The following EXOC2 variants were observed in gnomAD, a reference collection of about 807,000 sequenced individuals.
EXOC2 encodes SEC5-like 1.
In EXOC2, 70 loss-of-function variants were observed where a neutral mutation model predicts 131.8. The observed-to-expected ratio is 0.53, with a 90% CI of 0.44 to 0.65. The LOEUF is 0.65. Ranked by LOEUF, EXOC2 falls within the 30% of genes least tolerant of loss-of-function variation. The pLI is 0.00. For synonymous variants in EXOC2, 411 were observed against 398.4 expected, an observed-to-expected ratio of 1.03 and a Z score of -0.38; for missense variants, 923 against 1,108.6, an observed-to-expected ratio of 0.83 and a Z score of 2.38.
At chr6:539,190 T>C (rs962216403) in intron 22 of EXOC2, among the ~76,000 whole-genome samples, 3 of 152,148 alleles carry the variant, frequency 2.0e-5, no homozygotes, top group Non-Finnish European at 2.9e-5. Flanking sequence ...TATTCAGAAA[T>C]AGACTTACTC....
intron 1 of EXOC2, among the ~76,000 whole-genome samples, chr6:651,648 G>A (rs1460515036): frequency 2.1e-5 from 3 of 141,662 alleles, no homozygotes; most frequent in South Asian, 2.4e-4. Flanking sequence ...GCAAGACTCC[G>A]TCTCAGAAAA....
At position 564,925 on chromosome 6, in the gene EXOC2, G is replaced by A. The variant is rs1337302019; in HGVS notation, c.1448C>T (p.Ala483Val). 6.3e-7 allele frequency: 1 copy of A among 1,599,108 alleles called. No individual in the cohort carries two copies. Among genetic ancestry groups the A allele is most frequent in the African/African-American group, 1.3e-5 (1 of 74,112 alleles). The change falls in exon 14 of 28, where the codon GCT becomes GTT. Residue 483 changes from alanine to valine, a missense_variant. By Grantham distance (64) the Ala-to-Val change is moderately conservative. Coordinates refer to ENST00000230449, the MANE Select transcript of EXOC2 (RefSeq NM_018303.6). ...TCTTTCAATCTGGCCTGACTTCTCAGCAGTCTTAAAAATTAAAAAAACAAA... is the reference window on the plus strand; with the variant it reads ...TCTTTCAATCTGGCCTGACTTCTCAACAGTCTTAAAAATTAAAAAAACAAA... ...YVNGSLFSET[A>V]EKSGQIERSK...
chr6:628,287 G>A (rs1331041499), intron 4 of EXOC2, among the ~76,000 whole-genome samples: 1 of 152,186 alleles, frequency 6.6e-6, no homozygotes, highest in Non-Finnish European at 1.5e-5. Flanking sequence ...TCTCAGAGAA[G>A]AAAAGAACAT....
In EXOC2 at chr6:672,985, C is replaced by T. The variant is rs147191047; in HGVS notation, c.-44+20034G>A. Among the ~76,000 whole-genome samples the T allele has an allele frequency of 1.7e-3, 252 of 152,088 alleles. 1 individual carries two copies. Among genetic ancestry groups the T allele is most frequent in the Middle Eastern group, 0.01 (3 of 294 alleles). On this transcript the variant is annotated intron_variant, in intron 1 of 27. Coordinates refer to ENST00000230449, the MANE Select transcript of EXOC2 (RefSeq NM_018303.6). The stretch of plus-strand genomic sequence containing the variant: ...CTCTGTTTTAAAATTCATGACTGGG[C>T]GCGGTGGCTCAGCCCTGTAATCCCA...
At chr6:496,774 C>T (rs1049827606) in intron 25 of EXOC2, among the ~76,000 whole-genome samples, 4 of 152,036 alleles carry the variant, frequency 2.6e-5, no homozygotes. Flanking sequence ...GTGGGCTGGC[C>T]TGATAGGAGC....
chr6:599,816 A>C (rs966556584), intron 7 of EXOC2, among the ~76,000 whole-genome samples: 2 of 152,176 alleles, frequency 1.3e-5, no homozygotes, highest in Non-Finnish European at 1.5e-5. Context: ...TAAATCAGCT[A>C]ATCTTATAAA....
At chr6:679,093 A>G (rs561049898) in intron 1 of EXOC2, 1 of 152,146 alleles carries the variant, frequency 6.6e-6, no homozygotes, top group Non-Finnish European at 1.5e-5. Context: ...CTTGACAGAA[A>G]AATCACAACG....
chr6:596,696 G>A (rs1363949896), intron 10 of EXOC2, among the ~76,000 whole-genome samples: 1 of 152,000 alleles, frequency 6.6e-6, no homozygotes, highest in Non-Finnish European at 1.5e-5. Flanking sequence ...GGTCACATGG[G>A]GACCACAGCT....
intron 12 of EXOC2, among the ~76,000 whole-genome samples, chr6:574,388 ACC>A (rs1758465583): frequency 1.3e-5 from 2 of 152,080 alleles, no homozygotes; most frequent in Non-Finnish European, 2.9e-5. Context: ...AACATAGAAA[ACC>A]CAAAACAAAA....
chr6:580,288 C>A (rs753704320), intron 11 of EXOC2, among the ~76,000 whole-genome samples: 14 of 152,174 alleles, frequency 9.2e-5, no homozygotes, highest in Non-Finnish European at 1.9e-4. Flanking sequence ...GATCTGCCTG[C>A]GTCAGCCTCC....
intron 16 of EXOC2, among the ~76,000 whole-genome samples, chr6:563,060 G>T (rs2127583264): frequency 6.6e-6 from 1 of 152,302 alleles, no homozygotes; most frequent in African/African-American, 2.4e-5. Flanking sequence ...GTGAATAAAA[G>T]TTTTTACTGT....
chr6:565,412 A>T (rs1561863587), intron 13 of EXOC2, among the ~76,000 whole-genome samples: 3 of 152,208 alleles, frequency 2.0e-5, no homozygotes, highest in Admixed American at 1.3e-4. Flanking sequence ...ACATTCTATC[A>T]TTCTAGAATT....
chr6:491,316 G>A (rs548820356), intron 25 of EXOC2, 130 bp from the exon 26 acceptor site: 33 of 821,394 alleles, frequency 4.0e-5, no homozygotes, highest in East Asian at 1.3e-4. Context: ...CATGGTGACC[G>A]CCAGTCATGA....
intron 1 of EXOC2, among the ~76,000 whole-genome samples, chr6:675,104 T>C (rs905979668): frequency 1.3e-5 from 2 of 152,176 alleles, no homozygotes; most frequent in African/African-American, 4.8e-5. Flanking sequence ...GTGCTTCCTG[T>C]GTGGTGCGGC....
At position 616,465 on chromosome 6, in the gene EXOC2, C is replaced by T. The variant is rs368216044; in HGVS notation, c.661+1246G>A. On this transcript the variant is annotated intron_variant, in intron 6 of 27. Coordinates refer to ENST00000230449, the MANE Select transcript of EXOC2 (RefSeq NM_018303.6). ...AAAAATACAAAAAATTAGCCGGGCG[C>T]AGTGGCGGGCGCCTGTAGTCCCAGC... Among the ~76,000 whole-genome samples the T allele has an allele frequency of 3.0e-4, 46 of 151,368 alleles. 1 individual carries two copies. In the East Asian group the frequency reaches 4.0e-3, roughly 13 times the overall value.
chr6:664,574 C>A (rs929007603), intron 1 of EXOC2, among the ~76,000 whole-genome samples: 1 of 152,164 alleles, frequency 6.6e-6, no homozygotes, highest in East Asian at 1.9e-4. Context: ...CAGTGTGGTA[C>A]TGGTATAAAA....
chr6:647,993 T>C (rs1762656980), intron 1 of EXOC2, among the ~76,000 whole-genome samples: 1 of 152,200 alleles, frequency 6.6e-6, no homozygotes, highest in South Asian at 2.1e-4. Context: ...GGCATTACAC[T>C]GGTTCATTTG....
chr6:531,314 T>C (rs566896392), intron 23 of EXOC2, among the ~76,000 whole-genome samples: 1 of 146,204 alleles, frequency 6.8e-6, no homozygotes, highest in Admixed American at 6.8e-5. Flanking sequence ...GAATTTTAAG[T>C]AAGATACTGA....
At chr6:631,813 T>A (rs957428957) in intron 3 of EXOC2, among the ~76,000 whole-genome samples, 3 of 152,196 alleles carry the variant, frequency 2.0e-5, no homozygotes, top group Non-Finnish European at 4.4e-5. Context: ...TATGTATATA[T>A]GTACACATGC....
Sources: allele counts gnomAD v4.1 joint callset (sites outside exome capture counted in the v4.1 genomes callset), GRCh38; gene constraint gnomAD v4.1.1; transcripts MANE v1.5; gene names NCBI Gene and HGNC (gene_info 2026-07-23, HGNC 2026-07-21).